EPHA5: variants seen among roughly 807,000 people sequenced by gnomAD.
The protein encoded by EPHA5 is EPH receptor A5, also known as ephrin type-A receptor 5.
A neutral mutation model predicts 105.0 loss-of-function variants in EPHA5; 60 were observed. That is an observed-to-expected ratio of 0.57 (90% CI 0.46 to 0.71). The LOEUF (loss-of-function observed/expected upper bound fraction) is 0.71. EPHA5 is among the 30% of genes least tolerant of loss of function. The pLI, the probability that EPHA5 is intolerant of heterozygous loss-of-function variation, is 0.00. For synonymous variants in EPHA5, 513 were observed against 449.1 expected (o/e 1.14, Z -1.80); for missense variants, 1,218 against 1,274.7 (o/e 0.96, Z 0.68).
intron 3 of EPHA5, among the ~76,000 whole-genome samples, chr4:65,522,334 A>ATACATATATATATATATATATATAT (rs1560643533): frequency 6.7e-6 from 1 of 149,930 alleles, no homozygotes; most frequent in African/African-American, 2.5e-5. Context: ...ATATATATAT[A>ATACATATATATATATATATATATAT]AAATCAACAG....
chr4:65,406,874 A>G (rs1722409953), intron 7 of EPHA5, among the ~76,000 whole-genome samples: 2 of 152,020 alleles, frequency 1.3e-5, no homozygotes, highest in South Asian at 4.1e-4. Flanking sequence ...AAACAAAAAA[A>G]TCAAACTGGT....
intron 2 of EPHA5, among the ~76,000 whole-genome samples, chr4:65,629,529 A>G (rs1355114366): frequency 6.6e-6 from 1 of 152,240 alleles, no homozygotes; most frequent in Non-Finnish European, 1.5e-5. Context: ...CTTTAGAAAT[A>G]TAGTGGACAT....
At chr4:65,423,608 T>C (rs900963212) in intron 5 of EPHA5, among the ~76,000 whole-genome samples, 3 of 151,902 alleles carry the variant, frequency 2.0e-5, no homozygotes, top group Non-Finnish European at 2.9e-5. Flanking sequence ...CTTTGGCCAT[T>C]GGAAGCTCTT....
At chr4:65,346,307 T>C (rs1176428327) in intron 14 of EPHA5, among the ~76,000 whole-genome samples, 1 of 152,078 alleles carries the variant, frequency 6.6e-6, no homozygotes, top group Non-Finnish European at 1.5e-5. Flanking sequence ...TCTAAACTTG[T>C]ATTTCTTACT....
At chr4:65,645,207 C>T (rs571363081) in intron 1 of EPHA5, among the ~76,000 whole-genome samples, 9 of 152,004 alleles carry the variant, frequency 5.9e-5, no homozygotes, top group Admixed American at 3.3e-4. Flanking sequence ...ACTTAAATGC[C>T]CTTGTCCTCA....
rs182966702 is a variant in EPHA5 at position 65,554,958 on chromosome 4, A to G, written c.910+46683T>C. On this transcript the variant is annotated intron_variant, in intron 3 of 16. Coordinates refer to ENST00000613740, the MANE Select transcript of EPHA5 (RefSeq NM_001281766.3). Reference sequence around the variant, plus strand: ...AATTCACTTCTAGCTATAAAATGTTATCACTTCACCCCTATACAACAGCAA... The same window carrying G: ...AATTCACTTCTAGCTATAAAATGTTGTCACTTCACCCCTATACAACAGCAA... Among the ~76,000 whole-genome samples, 487 of 120,316 alleles carry G rather than the reference A, an allele frequency of 4.0e-3. 5 individuals are homozygous for G. The highest frequency in any genetic ancestry group is 0.014 in the African/African-American group (466 of 34,066). 78.9% of individuals were successfully genotyped at this position (120,316 alleles called of 152,430 possible). A position where few individuals can be genotyped will look rare whatever the true frequency, so the allele number is the denominator to read the frequency against.
At chr4:65,326,042 GTATA>G (rs960912488) in intron 16 of EPHA5, among the ~76,000 whole-genome samples, 1 of 146,698 alleles carries the variant, frequency 6.8e-6, no homozygotes, top group East Asian at 2.0e-4. Context: ...ATATATATAT[GTATA>G]TATATGTATA....
At chr4:65,621,010 C>T (rs1745662608) in intron 2 of EPHA5, among the ~76,000 whole-genome samples, 1 of 152,062 alleles carries the variant, frequency 6.6e-6, no homozygotes, top group African/African-American at 2.4e-5. Flanking sequence ...TTATATGTAT[C>T]TCTATGGACC....
chr4:65,440,528 A>ACACACCCC (rs1553916611), intron 5 of EPHA5, among the ~76,000 whole-genome samples: 5 of 151,690 alleles, frequency 3.3e-5, no homozygotes, highest in Admixed American at 6.6e-5. Flanking sequence ...ACACACACAC[A>ACACACCCC]CACACAGAGG....
rs1395421437 is a variant in EPHA5 at position 65,501,037 on chromosome 4, T to C, written c.911-5494A>G. Among the ~76,000 whole-genome samples the C allele has an allele frequency of 2.0e-5, 3 of 151,386 alleles. No homozygotes were observed. The Admixed American group carries it at 2.0e-4, about 10-fold the overall frequency. ...AATTATCAGAGGATATAAGCTAAGC[T>C]AAGTGAATTATATTTATTTAATACA... On this transcript the variant is annotated intron_variant, in intron 3 of 16. Coordinates refer to ENST00000613740, the MANE Select transcript of EPHA5 (RefSeq NM_001281766.3).
chr4:65,474,308 TAA>T (rs940383034), intron 5 of EPHA5, among the ~76,000 whole-genome samples: 2 of 152,256 alleles, frequency 1.3e-5, no homozygotes, highest in East Asian at 1.9e-4. Flanking sequence ...AGTGAAGAAA[TAA>T]AGAGTATTTA....
chr4:65,521,934 C>T (rs1412527776), intron 3 of EPHA5, among the ~76,000 whole-genome samples: 5 of 151,990 alleles, frequency 3.3e-5, no homozygotes, highest in Admixed American at 2.0e-4. Context: ...CTGCCAGAGC[C>T]TGATTTGTTA....
chr4:65,522,314 A>ATATG (rs376720634), intron 3 of EPHA5, among the ~76,000 whole-genome samples: 1 of 122,152 alleles, frequency 8.2e-6, no homozygotes, highest in Admixed American at 9.2e-5. Flanking sequence ...GTATATATAT[A>ATATG]TGTATATATA....
chr4:65,399,604 T>A (rs10007026), intron 8 of EPHA5, among the ~76,000 whole-genome samples: 10,708 of 152,310 alleles, frequency 0.07, 593 homozygotes, highest in African/African-American at 0.15. Context: ...GGCTTTTTTG[T>A]TTCCTGTTTT....
At chr4:65,409,362 T>TAAATAAATAAATAAAA (rs1391270116) in intron 7 of EPHA5, among the ~76,000 whole-genome samples, 1 of 149,158 alleles carries the variant, frequency 6.7e-6, no homozygotes, top group Non-Finnish European at 1.5e-5. Context: ...AATAAATAAA[T>TAAATAAATAAATAAAA]AAATAAATAA....
chr4:65,575,665 A>G (rs1160278663), intron 3 of EPHA5, among the ~76,000 whole-genome samples: 1 of 152,088 alleles, frequency 6.6e-6, no homozygotes, highest in African/African-American at 2.4e-5. Context: ...AGGTAGTGAG[A>G]ACTCTGTTAG....
At chr4:65,562,120 T>C (rs1560699848) in intron 3 of EPHA5, among the ~76,000 whole-genome samples, 1 of 152,112 alleles carries the variant, frequency 6.6e-6, no homozygotes, top group Admixed American at 6.6e-5. Flanking sequence ...CTGGCCATCA[T>C]GTTCTGAAAG....
At chr4:65,536,098 T>C (rs138244332) in intron 3 of EPHA5, among the ~76,000 whole-genome samples, 1 of 152,050 alleles carries the variant, frequency 6.6e-6, no homozygotes, top group Non-Finnish European at 1.5e-5. Context: ...TTTATATTGA[T>C]CAATGTATTA....
At chr4:65,428,500 A>T (rs568062179) in intron 5 of EPHA5, among the ~76,000 whole-genome samples, 1 of 152,122 alleles carries the variant, frequency 6.6e-6, no homozygotes, top group South Asian at 2.1e-4. Flanking sequence ...TCAGACAAAA[A>T]CCTACAATCA....
Sources: gnomAD v4.1 joint callset for allele counts (sites outside exome capture counted in the v4.1 genomes callset) on GRCh38, gnomAD v4.1.1 for gene constraint, MANE v1.5 for transcripts, NCBI Gene and HGNC (gene_info 2026-07-23, HGNC 2026-07-21) for gene names.